RREB1: variants seen among roughly 807,000 people sequenced by gnomAD.
The protein encoded by RREB1 is ras-responsive element-binding protein 1.
In RREB1, 27 loss-of-function variants were observed where a neutral mutation model predicts 117.8. The observed-to-expected ratio is 0.23, with a 90% CI of 0.17 to 0.32. RREB1 has a LOEUF of 0.32. RREB1 is among the 10% of genes least tolerant of loss of function. The probability of loss-of-function intolerance (pLI) is 1.00; values close to 1 mark genes in which losing one functional copy is unlikely to be tolerated. For synonymous variants in RREB1, 1,298 were observed against 1,026.7 expected (o/e 1.26, Z -5.05); for missense variants, 2,577 against 2,378.2 (o/e 1.08, Z -1.74).
At chr6:7,199,352 C>G (rs1257063977) in intron 6 of RREB1, among the ~76,000 whole-genome samples, 1 of 152,178 alleles carries the variant, frequency 6.6e-6, no homozygotes, top group Non-Finnish European at 1.5e-5. Context: ...TCAAGGCCTT[C>G]CTTTCTCCTC....
At chr6:7,231,966 G>C in intron 10 of RREB1, 59 bp downstream of exon 10, 2 of 1,494,928 alleles carry the variant, frequency 1.3e-6, no homozygotes, top group South Asian at 1.3e-5. Context: ...GGGGAGCCAC[G>C]AGTGGGGGTC....
intron 1 of RREB1, among the ~76,000 whole-genome samples, chr6:7,113,946 A>G (rs1416205099): frequency 6.6e-6 from 1 of 152,208 alleles, no homozygotes; most frequent in Non-Finnish European, 1.5e-5. Flanking sequence ...AGAAAGTGGT[A>G]TATTTTGAGC....
intron 6 of RREB1, among the ~76,000 whole-genome samples, chr6:7,192,373 A>G (rs1443126561): frequency 6.6e-6 from 1 of 151,408 alleles, no homozygotes; most frequent in African/African-American, 2.4e-5. Flanking sequence ...TTGTATTGTT[A>G]GTAGAGATGG....
Position 7,231,189 on chromosome 6 carries a change from G to A in RREB1, c.3090G>A (p.Val1030=), listed in dbSNP as rs889755329. ...CCCTGGTCAGCAGCCCTCCACTCGTGGGCAGCTCAGCCCTCCTGAGTGGCA... is the reference window on the plus strand; with the variant it reads ...CCCTGGTCAGCAGCCCTCCACTCGTAGGCAGCTCAGCCCTCCTGAGTGGCA... The part of the protein sequence containing the change: ...SSALVSSPPL[V]GSSALLSGTA... The change falls in exon 10 of 13, where the codon GTG becomes GTA. Residue 1030 remains valine (V), a synonymous_variant. Transcript: ENST00000379938. 29 of 1,611,364 alleles carry A rather than the reference G, an allele frequency of 1.8e-5. No homozygotes were observed. Among genetic ancestry groups the A allele is most frequent in the African/African-American group, 5.3e-5 (4 of 74,884 alleles).
At chr6:7,245,608 A>G (rs927828808) in intron 11 of RREB1, among the ~76,000 whole-genome samples, 2 of 152,206 alleles carry the variant, frequency 1.3e-5, no homozygotes, top group South Asian at 4.1e-4. Flanking sequence ...GGCTTTCCAC[A>G]TACAGTTTTA....
At chr6:7,235,328 C>T (rs1320621227) in intron 10 of RREB1, among the ~76,000 whole-genome samples, 1 of 152,204 alleles carries the variant, frequency 6.6e-6, no homozygotes, top group African/African-American at 2.4e-5. Flanking sequence ...TCTGCTGTCA[C>T]TCAGAACCAC....
chr6:7,137,714 C>T (rs1019896020), intron 1 of RREB1, among the ~76,000 whole-genome samples: 2 of 151,926 alleles, frequency 1.3e-5, no homozygotes, highest in African/African-American at 2.4e-5. Flanking sequence ...ACGTGAGAGT[C>T]GTGTCTCTCT....
chr6:7,188,859 T>C (rs1207282771), intron 5 of RREB1, among the ~76,000 whole-genome samples: 1 of 152,198 alleles, frequency 6.6e-6, no homozygotes, highest in Non-Finnish European at 1.5e-5. Flanking sequence ...TTAATATATG[T>C]GGTCACTGAA....
intron 5 of RREB1, 149 bp downstream of exon 5, chr6:7,187,672 A>G (rs1417257437): frequency 3.4e-5 from 12 of 350,230 alleles, no homozygotes; most frequent in African/African-American, 6.3e-5. Context: ...GAGATAACTC[A>G]GTACCTTCGG....
Position 7,239,824 on chromosome 6 carries a change from G to T in RREB1, c.3809-614G>T, listed in dbSNP as rs563233191. ...AGGACCACAGTGAACTTGAACAGAG[G>T]TCACTGCAGGATGTCTCGGCAAGTC... On this transcript the variant is annotated intron_variant, in intron 10 of 12. Coordinates refer to ENST00000379938, the MANE Select transcript of RREB1 (RefSeq NM_001003699.4). Among the ~76,000 whole-genome samples, 3 of 152,350 alleles carry T rather than the reference G, an allele frequency of 2.0e-5. No individual in the cohort carries two copies. In the South Asian group the frequency reaches 6.2e-4, roughly 32 times the overall value.
At chr6:7,172,036 C>T (rs193152162) in intron 1 of RREB1, among the ~76,000 whole-genome samples, 1 of 151,834 alleles carries the variant, frequency 6.6e-6, no homozygotes, top group Non-Finnish European at 1.5e-5. Flanking sequence ...GCTTCGCACT[C>T]CTGGGCTCAT....
chr6:7,114,223 G>A (rs1761277484), intron 1 of RREB1, among the ~76,000 whole-genome samples: 1 of 152,182 alleles, frequency 6.6e-6, no homozygotes, highest in Non-Finnish European at 1.5e-5. Context: ...CAGGGTTCAA[G>A]CGATTCTCCT....
chr6:7,118,657 G>A (rs898850607), intron 1 of RREB1, among the ~76,000 whole-genome samples: 11 of 152,084 alleles, frequency 7.2e-5, no homozygotes, highest in Non-Finnish European at 4.4e-5. Context: ...TGAAAAGAAG[G>A]TTTCTGAGAA....
intron 8 of RREB1, among the ~76,000 whole-genome samples, chr6:7,219,261 C>T (rs564956216): frequency 2.6e-4 from 40 of 152,092 alleles, no homozygotes; most frequent in Non-Finnish European, 4.9e-4. Context: ...CCGAGTGAGA[C>T]GCTGTTTCTA....
At chr6:7,160,911 C>T (rs1292909534) in intron 1 of RREB1, among the ~76,000 whole-genome samples, 1 of 152,104 alleles carries the variant, frequency 6.6e-6, no homozygotes, top group Non-Finnish European at 1.5e-5. Context: ...GTCTCCATCT[C>T]CTGACCTCGT....
At chr6:7,153,195 A>C (rs1763199972) in intron 1 of RREB1, among the ~76,000 whole-genome samples, 2 of 147,052 alleles carry the variant, frequency 1.4e-5, no homozygotes, top group South Asian at 4.2e-4. Context: ...CTCATTACCT[A>C]CATGTTAAAC....
intron 6 of RREB1, among the ~76,000 whole-genome samples, chr6:7,192,215 T>TA (rs1581517716): frequency 6.7e-6 from 1 of 149,728 alleles, no homozygotes; most frequent in Non-Finnish European, 1.5e-5. Context: ...TTTTTTGAGA[T>TA]AGAGTCTCAT....
At position 7,128,740 on chromosome 6, in the gene RREB1, G is replaced by A. The variant is rs1011033595; in HGVS notation, c.-285+20680G>A. Among the ~76,000 whole-genome samples, 14 of 152,206 alleles carry A rather than the reference G, an allele frequency of 9.2e-5. No individual in the cohort carries two copies. In the East Asian group the frequency reaches 2.5e-3, roughly 27 times the overall value. On this transcript the variant is annotated intron_variant, in intron 1 of 12. Transcript: ENST00000379938. ...TCCCAGCACTTTAGGAGGCCAAGGC[G>A]GGCAGATCACCTGAGTTCAGGAGTT... is the stretch of plus-strand genomic sequence containing the variant.
rs550540104 is a variant in RREB1, at chr6:7,229,710, T to C, written c.1611T>C (p.Cys537=). The C allele has an allele frequency of 1.9e-6, 3 of 1,606,148 alleles. No individual in the cohort carries two copies. Among genetic ancestry groups the C allele is most frequent in the East Asian group, 2.2e-5 (1 of 44,712 alleles). ...ACGCCCAGCAGGCTTCCCCGGGCTG[T>C]ATCAGCCCCAGCCTGCCGCCACCGC... ...LINAQQASPG[C]ISPSLPPPPL... Residue 537 remains cysteine (C), a synonymous_variant, in exon 10 of 13, where the codon TGT becomes TGC. Transcript: ENST00000379938. This position sits in a 1 kb window ranked among gnomAD's most constrained non-coding sequence, Gnocchi z 4.5.
Sources: allele counts gnomAD v4.1 joint callset (sites outside exome capture counted in the v4.1 genomes callset), GRCh38; gene constraint gnomAD v4.1.1; non-coding constraint Gnocchi (gnomAD v3.1); transcripts MANE v1.5; gene names NCBI Gene and HGNC (gene_info 2026-07-23, HGNC 2026-07-21).